The following CD55 variants were observed in gnomAD, a reference collection of about 807,000 sequenced individuals.
CD55 encodes CD55 molecule (Cromer blood group).
Under a neutral mutation model 45.8 loss-of-function variants are expected in CD55, and 41 were observed. The observed-to-expected ratio is 0.90, with a 90% CI of 0.70 to 1.16. The LOEUF is 1.16. Ranked by LOEUF, CD55 falls within the 50% of genes most tolerant of loss-of-function variation. The probability of loss-of-function intolerance (pLI) is 0.00; values close to 1 mark genes in which losing one functional copy is unlikely to be tolerated. For missense variants in CD55, 416 were observed against 469.8 expected (o/e 0.89, Z 1.06); for synonymous variants, 181 against 181.1 (o/e 1.00, Z 0.01).
intron 3 of CD55, among the ~76,000 whole-genome samples, chr1:207,325,165 A>T (rs1654617682): frequency 6.6e-6 from 1 of 151,638 alleles, no homozygotes; most frequent in Admixed American, 6.6e-5. Context: ...TGAAACCCTG[A>T]CTCTACTAAA....
intron 6 of CD55, among the ~76,000 whole-genome samples, chr1:207,335,685 C>T (rs867562804): frequency 1.3e-5 from 2 of 152,042 alleles, no homozygotes; most frequent in Admixed American, 6.6e-5. Flanking sequence ...GCGTTTTACT[C>T]AATTTATCCC....
chr1:207,323,713 T>C (rs1654538294), intron 2 of CD55, among the ~76,000 whole-genome samples: 1 of 152,220 alleles, frequency 6.6e-6, no homozygotes, highest in Non-Finnish European at 1.5e-5. Context: ...AGGCTTTAAC[T>C]TTTTATTTTT....
At chr1:207,322,303 A>G in intron 1 of CD55, 79 bp from the exon 2 acceptor site, 1 of 1,186,790 alleles carries the variant, frequency 8.4e-7, no homozygotes, top group South Asian at 1.2e-5. Flanking sequence ...TGGCATTTCA[A>G]GGGGGCTTGT....
intron 2 of CD55, among the ~76,000 whole-genome samples, chr1:207,323,890 T>A (rs1654547560): frequency 6.6e-6 from 1 of 152,196 alleles, no homozygotes; most frequent in African/African-American, 2.4e-5. Context: ...AGTAGTTTAA[T>A]AACTTCCTCA....
intron 9 of CD55, among the ~76,000 whole-genome samples, chr1:207,344,264 CT>C (rs1195798915): frequency 6.6e-6 from 1 of 152,086 alleles, no homozygotes; most frequent in African/African-American, 2.4e-5. Context: ...TAGAGTTTTT[CT>C]TTCATAACAT....
chr1:207,329,285 A>C (rs142834777), intron 5 of CD55, among the ~76,000 whole-genome samples: 1 of 152,246 alleles, frequency 6.6e-6, no homozygotes, highest in African/African-American at 2.4e-5. Context: ...GCCAGAGCAC[A>C]GCCTTTTAAA....
At chr1:207,359,037 TTATAA>T (rs760228990) in intron 9 of CD55, among the ~76,000 whole-genome samples, 1 of 152,100 alleles carries the variant, frequency 6.6e-6, no homozygotes, top group Non-Finnish European at 1.5e-5. Context: ...TTAAGAAAAA[TTATAA>T]TATGTGCTAA....
intron 9 of CD55, among the ~76,000 whole-genome samples, chr1:207,348,608 C>G (rs1480927663): frequency 6.6e-6 from 1 of 152,100 alleles, no homozygotes; most frequent in African/African-American, 2.4e-5. Flanking sequence ...GTTTTTGTTG[C>G]AATTGCTTTT....
In CD55 at chr1:207,321,734, G is replaced by A. The variant is rs1179681112; in HGVS notation, c.-32G>A. On this transcript the variant is annotated 5_prime_UTR_variant, in exon 1 of 10. Coordinates refer to ENST00000367064, the MANE Select transcript of CD55 (RefSeq NM_000574.5). ...CGTAGCTGCGACTCGGCGGAGTCCC[G>A]GCGGCGCGTCCTTGTTCTAACCCGG... The A allele has an allele frequency of 2.0e-5, 29 of 1,466,790 alleles. No individual in the cohort carries two copies. Among genetic ancestry groups the A allele is most frequent in the East Asian group, 1.0e-4 (4 of 38,114 alleles). 90.9% of individuals were successfully genotyped at this position (1,466,790 alleles called of 1,614,324 possible). A position where few individuals can be genotyped will look rare whatever the true frequency, so the allele number is the denominator to read the frequency against.
chr1:207,335,306 C>T (rs1428768879), intron 6 of CD55, among the ~76,000 whole-genome samples: 2 of 152,004 alleles, frequency 1.3e-5, no homozygotes, highest in Admixed American at 6.6e-5. Context: ...CTATTAGGAC[C>T]GATGACAGGT....
intron 9 of CD55, 122 bp from the exon 10 acceptor site, chr1:207,359,424 A>G (rs989588654): frequency 9.0e-6 from 9 of 999,428 alleles, no homozygotes; most frequent in Non-Finnish European, 1.3e-5. Flanking sequence ...TTTGTTTTGC[A>G]CCCCAAATTA....
intron 3 of CD55, among the ~76,000 whole-genome samples, chr1:207,324,989 A>G (rs1217368601): frequency 6.6e-6 from 1 of 152,208 alleles, no homozygotes; most frequent in Non-Finnish European, 1.5e-5. Flanking sequence ...ACAAGTATAT[A>G]TTCTAAATTC....
chr1:207,345,324 A>G (rs951923657), intron 9 of CD55, among the ~76,000 whole-genome samples: 4 of 151,886 alleles, frequency 2.6e-5, no homozygotes, highest in Non-Finnish European at 4.4e-5. Flanking sequence ...GATCTAGCCT[A>G]TTATTGATGC....
chr1:207,357,444 T>C (rs1656119195), intron 9 of CD55, among the ~76,000 whole-genome samples: 2 of 152,098 alleles, frequency 1.3e-5, no homozygotes, highest in Non-Finnish European at 2.9e-5. Context: ...TTGTTCCAAC[T>C]TTCCTTTTGA....
At chr1:207,339,651 A>C (rs1323499501) in intron 9 of CD55, among the ~76,000 whole-genome samples, 1 of 152,068 alleles carries the variant, frequency 6.6e-6, no homozygotes, top group Non-Finnish European at 1.5e-5. Flanking sequence ...TACCCACTTC[A>C]CCCACACTCC....
At chr1:207,342,875 C>T (rs1655484834) in intron 9 of CD55, among the ~76,000 whole-genome samples, 2 of 152,106 alleles carry the variant, frequency 1.3e-5, no homozygotes, top group South Asian at 4.1e-4. Context: ...AGTCTTACTA[C>T]TCATTATTGG....
At chr1:207,322,018 C>G (rs1654432424) in intron 1 of CD55, among the ~76,000 whole-genome samples, 153 bp downstream of exon 1, 1 of 152,198 alleles carries the variant, frequency 6.6e-6, no homozygotes, top group East Asian at 1.9e-4. Context: ...AGGCTCTCGC[C>G]GCTCACCAGC....
At chr1:207,326,649 C>G in intron 4 of CD55, 103 bp from the exon 5 acceptor site, 1 of 819,746 alleles carries the variant, frequency 1.2e-6, no homozygotes, top group South Asian at 1.5e-5. Context: ...TTATATTCAC[C>G]TAATTGTGTA....
intron 9 of CD55, among the ~76,000 whole-genome samples, chr1:207,341,085 G>T (rs1655407135): frequency 6.6e-6 from 1 of 152,050 alleles, no homozygotes; most frequent in Non-Finnish European, 1.5e-5. Context: ...AGAAATGTCT[G>T]TTCATGTCTT....
Sources: allele counts gnomAD v4.1 joint callset (sites outside exome capture counted in the v4.1 genomes callset), GRCh38; gene constraint gnomAD v4.1.1; transcripts MANE v1.5; gene names NCBI Gene and HGNC (gene_info 2026-07-23, HGNC 2026-07-21).